Variants in ZSCAN25 observed in about 807,000 individuals in gnomAD.
ZSCAN25 encodes the protein zinc finger and SCAN domain containing 25.
In ZSCAN25, 27 loss-of-function variants were observed where a neutral mutation model predicts 38.7. That is an observed-to-expected ratio of 0.70 (90% CI 0.51 to 0.96). ZSCAN25 has a LOEUF of 0.96. Among genes scored for constraint, ZSCAN25 ranks in the 40% least tolerant of loss-of-function variants. The probability of loss-of-function intolerance (pLI) is 0.00; values close to 1 mark genes in which losing one functional copy is unlikely to be tolerated. For missense variants in ZSCAN25, 637 were observed against 705.9 expected, an observed-to-expected ratio of 0.90 and a Z score of 1.11; for synonymous variants, 273 against 277.7, an observed-to-expected ratio of 0.98 and a Z score of 0.17.
the ZSCAN25 span, among the ~76,000 whole-genome samples, chr7:99,685,486 T>C: frequency 6.6e-6 from 1 of 152,346 alleles, no homozygotes; most frequent in African/African-American, 2.4e-5. Context: ...CACACCAAGG[T>C]TGGACAGGCA....
At chr7:99,666,825 A>C in the ZSCAN25 span, 1,790 of 1,579,390 alleles carry the variant, frequency 1.1e-3, 1 homozygote, top group Non-Finnish European at 1.3e-3. Context: ...ACATAAAGAT[A>C]AAAGACCATT....
chr7:99,631,649 G>A lies in ZSCAN25; in HGVS notation c.*1629G>A, dbSNP rs1297034189. 1.0e-6 allele frequency: 1 copy of A among 985,022 alleles called. No individual in the cohort carries two copies. Among genetic ancestry groups the A allele is most frequent in the Non-Finnish European group, 1.2e-6 (1 of 829,876 alleles). The allele number at this position is 985,022 out of a possible 1,614,324, so 61.0% of individuals were successfully genotyped here. On this transcript the variant is annotated 3_prime_UTR_variant, in exon 8 of 8. Transcript: ENST00000394152. The stretch of plus-strand genomic sequence containing the variant: ...TTTTTTCATTTTCCATTGTAAATAA[G>A]GTAAATGGTAATGACTAACACAAAG...
the ZSCAN25 span, chr7:99,734,984 C>A: frequency 6.2e-7 from 1 of 1,613,668 alleles, no homozygotes; most frequent in Non-Finnish European, 8.5e-7. Context: ...CACCCCAAGT[C>A]CAAGGAAACA....
the ZSCAN25 span, among the ~76,000 whole-genome samples, chr7:99,678,203 G>C: frequency 6.6e-6 from 1 of 152,232 alleles, no homozygotes; most frequent in African/African-American, 2.4e-5. Flanking sequence ...ACCACACACA[G>C]AGTGACACAG....
the ZSCAN25 span, among the ~76,000 whole-genome samples, chr7:99,731,548 A>G: frequency 1.3e-5 from 2 of 152,138 alleles, no homozygotes; most frequent in African/African-American, 4.8e-5. Context: ...AAAGAGTGAC[A>G]ATTTTTCTTT....
the ZSCAN25 span, among the ~76,000 whole-genome samples, chr7:99,724,624 C>T: frequency 6.4e-4 from 97 of 152,204 alleles, 1 homozygote; most frequent in Non-Finnish European, 8.8e-4. Context: ...TCTGCTCCCC[C>T]ACCCTATAAT....
the ZSCAN25 span, chr7:99,717,712 A>AAT: frequency 1.7e-5 from 27 of 1,545,766 alleles, no homozygotes; most frequent in East Asian, 6.1e-4. Flanking sequence ...AAATGTGTTA[A>AAT]ACAGGCATCA....
chr7:99,680,992 G>A, the ZSCAN25 span, among the ~76,000 whole-genome samples: 1 of 152,272 alleles, frequency 6.6e-6, no homozygotes, highest in South Asian at 2.1e-4. Flanking sequence ...ACTGACTAAG[G>A]CCCAGACATT....
At chr7:99,697,028 G>A in the ZSCAN25 span, among the ~76,000 whole-genome samples, 2 of 152,288 alleles carry the variant, frequency 1.3e-5, no homozygotes, top group South Asian at 2.1e-4. Flanking sequence ...TATGCTTCCT[G>A]TAGGGCCTGT....
the ZSCAN25 span, chr7:99,660,072 C>T: frequency 7.3e-6 from 3 of 413,112 alleles, no homozygotes; most frequent in Non-Finnish European, 9.8e-6. Flanking sequence ...ACCCACTGTC[C>T]TGCACCCACT....
chr7:99,635,544 G>C (rs1161887120), downstream of ZSCAN25, among the ~76,000 whole-genome samples: 1 of 152,104 alleles, frequency 6.6e-6, no homozygotes, highest in Admixed American at 6.5e-5. Context: ...AAAAGGTTTA[G>C]AGTTTTCCAA....
chr7:99,724,694 C>T, the ZSCAN25 span, among the ~76,000 whole-genome samples: 1 of 152,132 alleles, frequency 6.6e-6, no homozygotes, highest in Non-Finnish European at 1.5e-5. Flanking sequence ...CCGAGACTAG[C>T]CCTCCTCCAC....
At chr7:99,718,613 T>C in the ZSCAN25 span, among the ~76,000 whole-genome samples, 4 of 152,330 alleles carry the variant, frequency 2.6e-5, no homozygotes, top group African/African-American at 9.6e-5. Flanking sequence ...AAATGCTTCC[T>C]TCCTAATATT....
downstream of ZSCAN25, among the ~76,000 whole-genome samples, chr7:99,636,151 A>G (rs1331562037): frequency 3.3e-5 from 5 of 151,830 alleles, no homozygotes; most frequent in African/African-American, 1.2e-4. Flanking sequence ...ATGTTACTAT[A>G]GCATTGATGT....
chr7:99,663,794 A>C, the ZSCAN25 span: 1 of 1,316,684 alleles, frequency 7.6e-7, no homozygotes, highest in South Asian at 2.1e-5. Context: ...TCTCTGACTC[A>C]TTCTCATCTC....
chr7:99,627,498 A>G (rs147085413), intron 7 of ZSCAN25, among the ~76,000 whole-genome samples: 59 of 152,292 alleles, frequency 3.9e-4, no homozygotes, highest in African/African-American at 1.3e-3. Flanking sequence ...CTGTATACCA[A>G]TGAAAAAGAA....
At chr7:99,617,168 C>CA (rs1195486800) in intron 1 of ZSCAN25, among the ~76,000 whole-genome samples, 152 bp downstream of exon 1, 7 of 152,180 alleles carry the variant, frequency 4.6e-5, no homozygotes, top group African/African-American at 1.7e-4. Flanking sequence ...CGGCAAGTCT[C>CA]TCAGGAGCTG....
the ZSCAN25 span, chr7:99,731,063 C>T: frequency 2.9e-5 from 47 of 1,613,634 alleles, no homozygotes; most frequent in South Asian, 1.8e-4. Context: ...ACTCACCTTA[C>T]GGAAGGACAA....
the ZSCAN25 span, chr7:99,717,069 C>G: frequency 5.6e-6 from 8 of 1,427,590 alleles, no homozygotes; most frequent in African/African-American, 1.1e-4. Flanking sequence ...CACAGCCCTC[C>G]TTTTGTCTGG....
Sources: gnomAD v4.1 joint callset for allele counts (sites outside exome capture counted in the v4.1 genomes callset) on GRCh38, gnomAD v4.1.1 for gene constraint, MANE v1.5 for transcripts, NCBI Gene and HGNC (gene_info 2026-07-23, HGNC 2026-07-21) for gene names.